STK32A: variants seen among roughly 807,000 people sequenced by gnomAD.
STK32A encodes the protein serine/threonine kinase 32A.
Under a neutral mutation model 53.2 loss-of-function variants are expected in STK32A, and 41 were observed. The observed-to-expected ratio is 0.77, with a 90% CI of 0.60 to 1.00. The LOEUF (loss-of-function observed/expected upper bound fraction) is 1.00. Among genes scored for constraint, STK32A ranks in the 50% least tolerant of loss-of-function variants. STK32A has a pLI of 0.00. For synonymous variants in STK32A, 166 were observed against 162.8 expected (o/e 1.02, Z -0.15); for missense variants, 458 against 485.8 (o/e 0.94, Z 0.54).
At chr5:147,245,279 G>A (rs557423350) in intron 2 of STK32A, among the ~76,000 whole-genome samples, 1 of 152,324 alleles carries the variant, frequency 6.6e-6, no homozygotes, top group Non-Finnish European at 1.5e-5. Flanking sequence ...CAGATTCAGT[G>A]AAAACTGTCC....
At chr5:147,370,084 G>T (rs1756941280) in intron 8 of STK32A, among the ~76,000 whole-genome samples, 2 of 151,894 alleles carry the variant, frequency 1.3e-5, no homozygotes, top group South Asian at 2.1e-4. Flanking sequence ...TTTTTTAAAA[G>T]CTTCTGCCTC....
At chr5:147,372,183 A>C (rs1279143246) in intron 9 of STK32A, among the ~76,000 whole-genome samples, 3 of 151,298 alleles carry the variant, frequency 2.0e-5, no homozygotes, top group African/African-American at 7.3e-5. Flanking sequence ...CAAACAGATG[A>C]AGAACAGTTA....
chr5:147,275,455 G>C (rs1755212483), intron 2 of STK32A, among the ~76,000 whole-genome samples: 1 of 151,988 alleles, frequency 6.6e-6, no homozygotes, highest in Non-Finnish European at 1.5e-5. Flanking sequence ...TTTCTGAGTA[G>C]CTGGGACTAC....
chr5:147,377,497 G>A (rs1285679176), intron 11 of STK32A, among the ~76,000 whole-genome samples: 6 of 151,850 alleles, frequency 4.0e-5, no homozygotes, highest in Non-Finnish European at 7.4e-5. Context: ...TTTTTTTTCT[G>A]TTGCTATTGA....
At chr5:147,349,824 T>C (rs1395000251) in intron 6 of STK32A, among the ~76,000 whole-genome samples, 15 of 151,998 alleles carry the variant, frequency 9.9e-5, no homozygotes, top group Non-Finnish European at 1.5e-5. Flanking sequence ...AAAAATGAAG[T>C]TGACTGGCCG....
intron 4 of STK32A, among the ~76,000 whole-genome samples, chr5:147,317,335 T>C (rs1754054123): frequency 7.5e-6 from 1 of 134,204 alleles, no homozygotes; most frequent in South Asian, 2.5e-4. Context: ...TTTTTTTTTT[T>C]TTTTTTTTTT....
chr5:147,318,145 T>C (rs1011670598), intron 4 of STK32A, among the ~76,000 whole-genome samples: 1 of 152,164 alleles, frequency 6.6e-6, no homozygotes, highest in African/African-American at 2.4e-5. Context: ...TTTATGTACC[T>C]AAGCAGCTGT....
chr5:147,317,328 T>TC (rs1561715477), intron 4 of STK32A, among the ~76,000 whole-genome samples: 42 of 125,836 alleles, frequency 3.3e-4, no homozygotes, highest in African/African-American at 1.1e-3. Flanking sequence ...TCTTTCTTTT[T>TC]TTTTTTTTTT....
chr5:147,317,507 T>C (rs1754064853), intron 4 of STK32A, among the ~76,000 whole-genome samples: 1 of 152,040 alleles, frequency 6.6e-6, no homozygotes, highest in African/African-American at 2.4e-5. Context: ...TTTGTATTTT[T>C]AGTAGAGACG....
At chr5:147,287,128 T>C (rs1752382314) in intron 4 of STK32A, among the ~76,000 whole-genome samples, 1 of 152,224 alleles carries the variant, frequency 6.6e-6, no homozygotes, top group African/African-American at 2.4e-5. Context: ...CTTGTATCAA[T>C]GACTAGACAT....
At chr5:147,351,211 G>GAT in intron 7 of STK32A, 57 bp downstream of exon 7, 1 of 1,428,022 alleles carries the variant, frequency 7.0e-7, no homozygotes, top group Non-Finnish European at 9.8e-7. Flanking sequence ...ATTTATTACA[G>GAT]GTGGAATCAT....
At chr5:147,306,264 G>C (rs1273290162) in intron 4 of STK32A, among the ~76,000 whole-genome samples, 2 of 151,978 alleles carry the variant, frequency 1.3e-5, no homozygotes, top group African/African-American at 4.8e-5. Context: ...GGAAGTGCTT[G>C]TTTGACTCTT....
intron 4 of STK32A, among the ~76,000 whole-genome samples, chr5:147,305,067 G>A (rs1753336407): frequency 6.6e-6 from 1 of 151,916 alleles, no homozygotes; most frequent in Non-Finnish European, 1.5e-5. Context: ...CTGGGTGACA[G>A]GGCAAGACTC....
intron 2 of STK32A, among the ~76,000 whole-genome samples, chr5:147,254,801 G>A (rs1316770146): frequency 1.3e-5 from 2 of 152,136 alleles, no homozygotes; most frequent in East Asian, 3.9e-4. Context: ...AATGAGTCAG[G>A]GTGGAGCAAT....
intron 1 of STK32A, among the ~76,000 whole-genome samples, chr5:147,236,667 C>T (rs866137671): frequency 6.6e-6 from 1 of 152,180 alleles, no homozygotes; most frequent in Non-Finnish European, 1.5e-5. Flanking sequence ...CCCCCTTCCA[C>T]AGACACACAC....
chr5:147,391,829 G>A (rs577220223), downstream of STK32A: 2 of 152,306 alleles, frequency 1.3e-5, no homozygotes, highest in East Asian at 3.9e-4. Flanking sequence ...CCAGAGCAAG[G>A]AAATCTTGTG....
At chr5:147,248,968 A>G (rs1240061828) in intron 2 of STK32A, among the ~76,000 whole-genome samples, 2 of 152,164 alleles carry the variant, frequency 1.3e-5, no homozygotes, top group Admixed American at 1.3e-4. Flanking sequence ...TCTAGAACTG[A>G]TCTTCAACCT....
chr5:147,281,900 A>G (rs1324554756), intron 4 of STK32A, among the ~76,000 whole-genome samples: 1 of 152,216 alleles, frequency 6.6e-6, no homozygotes, highest in African/African-American at 2.4e-5. Context: ...TTAGATTAAC[A>G]GCAGATTTCT....
rs549808700 is a variant in STK32A, at chr5:147,348,825, GC to G, written c.473-2238del. On this transcript the variant is annotated intron_variant, in intron 6 of 12. Coordinates refer to ENST00000397936, the MANE Select transcript of STK32A (RefSeq NM_001112724.2). The stretch of plus-strand genomic sequence containing the variant: ...ATCAACAATTAAACGCTTACTTCTT[GC>G]CAAATGCTGTGCTAAGTCTCCTGTA... The G allele has an allele frequency of 2.7e-4, 191 of 711,412 alleles. 1 individual carries two copies. Among genetic ancestry groups the G allele is most frequent in the African/African-American group, 2.6e-3 (146 of 57,170 alleles). The allele number at this position is 711,412 out of a possible 1,614,324, so 44.1% of individuals were successfully genotyped here.
Sources: gnomAD v4.1 joint callset for allele counts (sites outside exome capture counted in the v4.1 genomes callset) on GRCh38, gnomAD v4.1.1 for gene constraint, MANE v1.5 for transcripts, NCBI Gene and HGNC (gene_info 2026-07-23, HGNC 2026-07-21) for gene names.